The following FBXL2 variants were observed in gnomAD, a reference collection of about 807,000 sequenced individuals.
FBXL2 encodes the protein F-box/LRR-repeat protein 2.
FBXL2 carries 38 observed loss-of-function variants against 69.2 expected under a neutral mutation model. That is an observed-to-expected ratio of 0.55 (90% CI 0.42 to 0.72). FBXL2 has a LOEUF of 0.72. Among genes scored for constraint, FBXL2 ranks in the 30% least tolerant of loss-of-function variants. The pLI, the probability that FBXL2 is intolerant of heterozygous loss-of-function variation, is 0.00. For synonymous variants in FBXL2, 192 were observed against 201.3 expected, an observed-to-expected ratio of 0.95 and a Z score of 0.39; for missense variants, 354 against 520.3, an observed-to-expected ratio of 0.68 and a Z score of 3.11.
downstream of FBXL2, chr3:33,389,530 G>A (rs2043674870): frequency 6.6e-6 from 1 of 151,600 alleles, no homozygotes; most frequent in South Asian, 2.1e-4. Context: ...GAAAATGAGA[G>A]AAAAACCACG....
chr3:33,367,033 T>G (rs535441209), intron 5 of FBXL2, among the ~76,000 whole-genome samples: 41 of 152,330 alleles, frequency 2.7e-4, no homozygotes, highest in African/African-American at 9.1e-4. Flanking sequence ...TAGAATTCAC[T>G]ATTGAAGCCG....
chr3:33,409,410 T>C, the FBXL2 span: 1 of 1,613,944 alleles, frequency 6.2e-7, no homozygotes, highest in Non-Finnish European at 8.5e-7. Flanking sequence ...CAGGCAAAAC[T>C]GAGCCTTAAT....
At chr3:33,289,247 C>T (rs2034980210) in intron 1 of FBXL2, among the ~76,000 whole-genome samples, 1 of 152,162 alleles carries the variant, frequency 6.6e-6, no homozygotes, top group South Asian at 2.1e-4. Flanking sequence ...GAGTTGTAGT[C>T]ATGAGATGTA....
At chr3:33,379,681 C>CAA (rs34431678) in intron 13 of FBXL2, among the ~76,000 whole-genome samples, 1 of 140,322 alleles carries the variant, frequency 7.1e-6, no homozygotes, top group Admixed American at 7.0e-5. Flanking sequence ...AAAATTGTAC[C>CAA]AAAAAAAAAA....
At chr3:33,396,653 TTC>T (rs777836476) in intron 12 of FBXL2, 180 of 409,178 alleles carry the variant, frequency 4.4e-4, no homozygotes, top group Non-Finnish European at 7.4e-4. Context: ...AATTTACAGT[TTC>T]TGTCATTTTA....
At chr3:33,415,778 A>C in the FBXL2 span, among the ~76,000 whole-genome samples, 2 of 152,138 alleles carry the variant, frequency 1.3e-5, no homozygotes, top group East Asian at 1.9e-4. Flanking sequence ...AGAACAAAGA[A>C]AGACAAAAAC....
chr3:33,373,887 A>G lies in FBXL2; in HGVS notation c.623A>G (p.His208Arg), dbSNP rs766921589. 6.2e-7 allele frequency: 1 copy of G among 1,614,260 alleles called. No individual in the cohort carries two copies. The highest frequency in any genetic ancestry group is 1.7e-5 in the Admixed American group (1 of 60,028). ...EALKHIQNYC[H>R]ELVSLNLQSC... Reference sequence around the variant, plus strand: ...CTGAAACACATTCAGAATTACTGCCATGAGCTTGTGAGCCTCAACTTGCAG... The same window carrying G: ...CTGAAACACATTCAGAATTACTGCCGTGAGCTTGTGAGCCTCAACTTGCAG... The change falls in exon 9 of 15, where the codon CAT becomes CGT. Residue 208 changes from histidine to arginine, a missense_variant. His to Arg is a conservative substitution (Grantham distance 29). Transcript: ENST00000484457.
chr3:33,347,240 G>A lies in FBXL2; in HGVS notation c.66-11727G>A, dbSNP rs376536475. On this transcript the variant is annotated intron_variant, in intron 2 of 14. Transcript: ENST00000484457. The stretch of plus-strand genomic sequence containing the variant: ...ATGTGAAGTTTGTCTGTCTGTGCCT[G>A]GCTTATTTCACTTGACATAATGACC... Among the ~76,000 whole-genome samples the A allele has an allele frequency of 5.3e-5, 8 of 152,214 alleles. No individual in the cohort carries two copies. The East Asian group carries it at 1.4e-3, about 26-fold the overall frequency.
intron 5 of FBXL2, among the ~76,000 whole-genome samples, chr3:33,371,732 T>G (rs1018518562): frequency 2.6e-5 from 4 of 152,194 alleles, no homozygotes; most frequent in African/African-American, 9.6e-5. Context: ...TTTACTTTGT[T>G]GGGTGCAGAT....
chr3:33,379,149 G>A (rs1308965851), intron 13 of FBXL2, among the ~76,000 whole-genome samples: 1 of 151,890 alleles, frequency 6.6e-6, no homozygotes, highest in Non-Finnish European at 1.5e-5. Flanking sequence ...TTACAAACAT[G>A]CGCCACCATG....
At chr3:33,300,002 C>T (rs1351228793) in intron 2 of FBXL2, among the ~76,000 whole-genome samples, 2 of 151,734 alleles carry the variant, frequency 1.3e-5, no homozygotes, top group Non-Finnish European at 2.9e-5. Flanking sequence ...TAGGATTATG[C>T]AGTGCTTGCA....
intron 5 of FBXL2, among the ~76,000 whole-genome samples, chr3:33,370,650 C>G (rs2042240246): frequency 6.6e-6 from 1 of 152,032 alleles, no homozygotes; most frequent in Non-Finnish European, 1.5e-5. Context: ...GAGTCTCACT[C>G]TGTCACCCAG....
At chr3:33,405,771 T>A (rs1468705501), downstream of FBXL2, among the ~76,000 whole-genome samples, 1 of 152,154 alleles carries the variant, frequency 6.6e-6, no homozygotes, top group Admixed American at 6.5e-5. Flanking sequence ...TAAAAAAATT[T>A]AAAAATTATT....
At chr3:33,316,669 G>A (rs1379900307) in intron 2 of FBXL2, among the ~76,000 whole-genome samples, 1 of 152,168 alleles carries the variant, frequency 6.6e-6, no homozygotes, top group African/African-American at 2.4e-5. Flanking sequence ...ACTGATAATA[G>A]TGGGTCCTGT....
At chr3:33,410,245 C>A in the FBXL2 span, among the ~76,000 whole-genome samples, 1 of 152,208 alleles carries the variant, frequency 6.6e-6, no homozygotes, top group African/African-American at 2.4e-5. Context: ...TGGATGACAG[C>A]CTTAGGGTTT....
In FBXL2 at chr3:33,358,946, GT is replaced by G. The variant is rs758224482; in HGVS notation, c.66-14del. 12 of 1,486,578 alleles carry G rather than the reference GT, an allele frequency of 8.1e-6. No individual in the cohort carries two copies. Among genetic ancestry groups the G allele is most frequent in the Admixed American group, 2.1e-5 (1 of 48,038 alleles). The allele number at this position is 1,486,578 out of a possible 1,614,324, so 92.1% of individuals were successfully genotyped here. A position where few individuals can be genotyped will look rare whatever the true frequency, so the allele number is the denominator to read the frequency against. ...AATGTTAACACCATCTCGTTTTTGT[GT>G]TTTTTTCCTCTCTCTGTAGAATATT... On this transcript the variant is annotated intron_variant, in intron 2 of 14. Transcript: ENST00000484457.
At chr3:33,347,037 A>G (rs1359855456) in intron 2 of FBXL2, among the ~76,000 whole-genome samples, 3 of 152,182 alleles carry the variant, frequency 2.0e-5, no homozygotes, top group African/African-American at 7.2e-5. Context: ...CTGTTGTGCT[A>G]TCAAATACTA....
chr3:33,303,153 C>G (rs1221064905), intron 2 of FBXL2: 2 of 456,484 alleles, frequency 4.4e-6, no homozygotes, highest in African/African-American at 2.0e-5. Flanking sequence ...ACCAGGGCAT[C>G]CTAACAGGTA....
At chr3:33,347,695 T>C (rs4678907) in intron 2 of FBXL2, among the ~76,000 whole-genome samples, 61,691 of 151,910 alleles carry the variant, frequency 0.41, 14,009 homozygotes, top group East Asian at 0.6. Flanking sequence ...TATTGTCTGA[T>C]TTTTGGATAT....
Sources: gnomAD v4.1 joint callset for allele counts (sites outside exome capture counted in the v4.1 genomes callset) on GRCh38, gnomAD v4.1.1 for gene constraint, MANE v1.5 for transcripts, NCBI Gene and HGNC (gene_info 2026-07-23, HGNC 2026-07-21) for gene names.